Variants in PTPRU observed in about 807,000 individuals in gnomAD.
PTPRU encodes the protein receptor-type tyrosine-protein phosphatase U.
A neutral mutation model predicts 166.3 loss-of-function variants in PTPRU; 69 were observed. The observed-to-expected ratio is 0.41, with a 90% CI of 0.34 to 0.51. The LOEUF (loss-of-function observed/expected upper bound fraction) is 0.51. Among genes scored for constraint, PTPRU ranks in the 20% least tolerant of loss-of-function variants. The probability of loss-of-function intolerance (pLI) is 0.09; values close to 1 mark genes in which losing one functional copy is unlikely to be tolerated. For synonymous variants in PTPRU, 793 were observed against 814.0 expected, an observed-to-expected ratio of 0.97 and a Z score of 0.44; for missense variants, 1,657 against 2,013.7, an observed-to-expected ratio of 0.82 and a Z score of 3.39.
chr1:29,277,800 A>ATTGTTTT (rs1478190246), intron 8 of PTPRU, among the ~76,000 whole-genome samples: 1 of 41,782 alleles, frequency 2.4e-5, no homozygotes, highest in Non-Finnish European at 5.3e-5. Context: ...CACAGTTGTC[A>ATTGTTTT]TTCTTTTTTT....
intron 15 of PTPRU, among the ~76,000 whole-genome samples, chr1:29,292,896 A>G (rs547280285): frequency 1.3e-4 from 20 of 150,096 alleles, no homozygotes; most frequent in African/African-American, 4.9e-4. Flanking sequence ...GCTCACTGTA[A>G]CCTCTGCCTC....
intron 25 of PTPRU, among the ~76,000 whole-genome samples, chr1:29,319,158 C>T (rs774109038): frequency 5.4e-4 from 82 of 152,142 alleles, no homozygotes; most frequent in Admixed American, 7.9e-4. Flanking sequence ...ACATGCTCGC[C>T]GGGGGACATC....
intron 22 of PTPRU, among the ~76,000 whole-genome samples, chr1:29,313,042 G>A (rs771973254): frequency 3.3e-5 from 5 of 152,138 alleles, no homozygotes; most frequent in African/African-American, 1.2e-4. Flanking sequence ...CACACCTGCC[G>A]CGTGCTAGGC....
chr1:29,275,679 T>G lies in PTPRU; in HGVS notation c.1376T>G (p.Val459Gly), dbSNP rs766726685. The G allele has an allele frequency of 5.0e-6, 8 of 1,613,928 alleles. No individual in the cohort carries two copies. Among genetic ancestry groups the G allele is most frequent in the Non-Finnish European group, 5.9e-6 (7 of 1,180,006 alleles). Residue 459 changes from valine to glycine, a missense_variant, in exon 8 of 30, where the codon GTT becomes GGT. Coordinates refer to ENST00000373779, the MANE Select transcript of PTPRU (RefSeq NM_133178.4). ...AAGAACCTGCTGCCCTATCGGAACG[T>G]TCACGTGAGGCTTGTCCTCACTAAC... ...TIKNLLPYRN[V>G]HVRLVLTNPE...
intron 1 of PTPRU, among the ~76,000 whole-genome samples, chr1:29,250,980 A>G (rs1365480349): frequency 6.6e-6 from 1 of 152,212 alleles, no homozygotes; most frequent in East Asian, 1.9e-4. Flanking sequence ...GGCTGGGTAC[A>G]GTGGCTCATG....
At chr1:29,244,046 A>G (rs1001465873) in intron 1 of PTPRU, among the ~76,000 whole-genome samples, 3 of 152,098 alleles carry the variant, frequency 2.0e-5, no homozygotes, top group Admixed American at 6.5e-5. Context: ...ACAAGGAGAA[A>G]GGGGGCTTGG....
At position 29,280,431 on chromosome 1, in the gene PTPRU, C is replaced by A. The variant is rs989385478; in HGVS notation, c.1868+290C>A. On this transcript the variant is annotated intron_variant, in intron 11 of 29. Coordinates refer to ENST00000373779, the MANE Select transcript of PTPRU (RefSeq NM_133178.4). The surrounding 1 kb of genome is among the most constrained non-coding windows in gnomAD (Gnocchi z 4.2). ...TGTCCAGGGGGCCTTTCCTCAGACACCTTGGAGAAGTGAAACTCTGGGGGC... is the reference window on the plus strand; with the variant it reads ...TGTCCAGGGGGCCTTTCCTCAGACAACTTGGAGAAGTGAAACTCTGGGGGC... 1.3e-5 allele frequency among the ~76,000 whole-genome samples: 2 copies of A among 152,174 alleles called. No homozygotes were observed. Among genetic ancestry groups the A allele is most frequent in the Admixed American group, 6.5e-5 (1 of 15,274 alleles).
chr1:29,261,265 C>A (rs567305792), intron 7 of PTPRU, among the ~76,000 whole-genome samples: 5 of 152,332 alleles, frequency 3.3e-5, no homozygotes, highest in African/African-American at 1.2e-4. Context: ...GAACTCTTGA[C>A]TGGCTGACTC....
intron 2 of PTPRU, 34 bp from the exon 3 acceptor site, chr1:29,258,471 C>T (rs1394252602): frequency 3.1e-5 from 49 of 1,599,786 alleles, no homozygotes; most frequent in Non-Finnish European, 3.9e-5. Flanking sequence ...CCTGAGGTCT[C>T]CTCATCTCCT....
At chr1:29,263,329 A>G (rs575841580) in intron 7 of PTPRU, among the ~76,000 whole-genome samples, 19 of 152,326 alleles carry the variant, frequency 1.2e-4, no homozygotes, top group African/African-American at 4.6e-4. Context: ...TCCTCATTGT[A>G]GCATGTATCA....
Position 29,317,986 on chromosome 1 carries a change from G to C in PTPRU, c.3687+65G>C. 6.4e-7 allele frequency: 1 copy of C among 1,572,182 alleles called. No individual in the cohort carries two copies. The highest frequency in any genetic ancestry group is 1.8e-5 in the Admixed American group (1 of 56,238). ...CCCAGCAGCATCAGGGAAGGTCCAG[G>C]GGCCACGGGAACAAAGCTGAAGGCT... On this transcript the variant is annotated intron_variant, in intron 25 of 29. Transcript: ENST00000373779. This position sits in a 1 kb window ranked among gnomAD's most constrained non-coding sequence, Gnocchi z 5.6.
chr1:29,290,004 T>G (rs949534815), intron 14 of PTPRU, among the ~76,000 whole-genome samples: 5 of 152,326 alleles, frequency 3.3e-5, no homozygotes, highest in African/African-American at 1.2e-4. Flanking sequence ...AATGTCCCCT[T>G]CACCACCAGA....
intron 14 of PTPRU, among the ~76,000 whole-genome samples, chr1:29,289,230 GTGTT>G (rs918824282): frequency 4.6e-5 from 7 of 152,148 alleles, no homozygotes; most frequent in Non-Finnish European, 8.8e-5. Context: ...GTGTGTGTGT[GTGTT>G]TGTGAATATA....
chr1:29,237,985 A>C lies in PTPRU; in HGVS notation c.73+1268A>C, dbSNP rs1357240506. 1.3e-5 allele frequency among the ~76,000 whole-genome samples: 2 copies of C among 149,964 alleles called. No homozygotes were observed. The highest frequency in any genetic ancestry group is 2.1e-4 in the South Asian group (1 of 4,750). ...CCTTGGCGCGCAGGACGCGCGGGGG[A>C]CGCCCGGGCCTCCCGGGACACTCCC... is the stretch of plus-strand genomic sequence containing the variant. On this transcript the variant is annotated intron_variant, in intron 1 of 29. Coordinates refer to ENST00000373779, the MANE Select transcript of PTPRU (RefSeq NM_133178.4). This position sits in a 1 kb window ranked among gnomAD's most constrained non-coding sequence, Gnocchi z 6.4.
At chr1:29,301,187 CAGG>C (rs1687115981) in intron 15 of PTPRU, among the ~76,000 whole-genome samples, 2 of 152,108 alleles carry the variant, frequency 1.3e-5, no homozygotes, top group African/African-American at 4.8e-5. Flanking sequence ...TCACCCAGAG[CAGG>C]AGGAGGGACA....
Position 29,275,721 on chromosome 1 carries a change from A to T in PTPRU, c.1418A>T (p.Glu473Val). ...LVLTNPEGRKEGKEVTFQTDE... is the reference protein window; with the variant it reads ...LVLTNPEGRKVGKEVTFQTDE... The stretch of plus-strand genomic sequence containing the variant: ...CTCACTAACCCTGAGGGGCGCAAAG[A>T]GGGCAAGGAGGTCACTTTCCAGACG... Residue 473 changes from glutamate to valine, a missense_variant, in exon 8 of 30, where the codon GAG becomes GTG. By Grantham distance (121) the Glu-to-Val change is moderately radical. Around this residue, in one of 3 missense-constraint regions of PTPRU, gnomAD observed 1,190 missense variants for 1,477.4 expected, o/e 0.81. Coordinates refer to ENST00000373779, the MANE Select transcript of PTPRU (RefSeq NM_133178.4). The T allele has an allele frequency of 1.2e-6, 2 of 1,614,184 alleles. No individual in the cohort carries two copies. Among genetic ancestry groups the T allele is most frequent in the Non-Finnish European group, 1.7e-6 (2 of 1,180,024 alleles).
At chr1:29,303,008 A>G (rs1403391745) in intron 15 of PTPRU, among the ~76,000 whole-genome samples, 1 of 152,250 alleles carries the variant, frequency 6.6e-6, no homozygotes, top group Non-Finnish European at 1.5e-5. Flanking sequence ...AGTAGGCTCT[A>G]CTATCTGAGT....
At chr1:29,262,071 G>A (rs1473019113) in intron 7 of PTPRU, among the ~76,000 whole-genome samples, 2 of 152,114 alleles carry the variant, frequency 1.3e-5, no homozygotes, top group Non-Finnish European at 2.9e-5. Context: ...ATGTAGTTCT[G>A]CACAATTTAT....
Position 29,259,888 on chromosome 1 carries a change from G to T in PTPRU, c.694G>T (p.Val232Leu). The change falls in exon 6 of 30, where the codon GTG (valine) becomes TTG (leucine). Residue 232 changes from valine to leucine, a missense_variant. Val to Leu is a conservative substitution (Grantham distance 32). This residue lies in a region of PTPRU where 453 missense variants were observed against 496.9 expected (regional missense o/e 0.91). Coordinates refer to ENST00000373779, the MANE Select transcript of PTPRU (RefSeq NM_133178.4). Reference sequence around the variant, plus strand: ...CCTGCAGCGGCAGAGCGGGGCGCTGGTGCCGGCGGCGGGCGTGCGGCACAT... The same window carrying T: ...CCTGCAGCGGCAGAGCGGGGCGCTGTTGCCGGCGGCGGGCGTGCGGCACAT... Reference protein sequence around the residue: ...FLLQRQSGALVPAAGVRHISH... With the variant: ...FLLQRQSGALLPAAGVRHISH... 6.5e-7 allele frequency: 1 copy of T among 1,531,536 alleles called. No individual in the cohort carries two copies. Among genetic ancestry groups the T allele is most frequent in the African/African-American group, 1.4e-5 (1 of 72,976 alleles). The allele number at this position is 1,531,536 out of a possible 1,614,324, so 94.9% of individuals were successfully genotyped here.
Sources: gnomAD v4.1 joint callset for allele counts (sites outside exome capture counted in the v4.1 genomes callset) on GRCh38, gnomAD v4.1.1 for gene constraint, gnomAD v4.1.1 regional missense constraint, Gnocchi (gnomAD v3.1) non-coding constraint, MANE v1.5 for transcripts, NCBI Gene and HGNC (gene_info 2026-07-23, HGNC 2026-07-21) for gene names.